Variants in CUX1 observed in about 807,000 individuals in gnomAD.
CUX1 encodes protein CASP.
CUX1 carries 31 observed loss-of-function variants against 158.8 expected under a neutral mutation model. That is an observed-to-expected ratio of 0.20 (90% CI 0.15 to 0.26). The LOEUF is 0.26. CUX1 is among the 10% of genes least tolerant of loss of function. CUX1 has a pLI of 1.00. For synonymous variants in CUX1, 879 were observed against 862.1 expected (o/e 1.02, Z -0.34); for missense variants, 1,589 against 2,014.6 (o/e 0.79, Z 4.04).
chr7:101,907,251 A>G (rs1802859697), intron 1 of CUX1, among the ~76,000 whole-genome samples: 1 of 152,236 alleles, frequency 6.6e-6, no homozygotes, highest in Middle Eastern at 3.2e-3. Context: ...ACGCAGGAGC[A>G]CTTTTCTGGA....
intron 15 of CUX1, 125 bp downstream of exon 15, chr7:102,197,430 C>A (rs1172301734): frequency 1.7e-6 from 2 of 1,187,056 alleles, no homozygotes; most frequent in South Asian, 1.4e-5. Flanking sequence ...AGGTAAAGTT[C>A]TCTTTGCTTC....
At chr7:102,216,799 CACACACCCCCACACACACTCTCCCA>C (rs782753194) in intron 20 of CUX1, among the ~76,000 whole-genome samples, 1 of 50,584 alleles carries the variant, frequency 2.0e-5, no homozygotes, top group African/African-American at 4.7e-5. Flanking sequence ...CACTCTCCCA[CACACACCCCCACACACACTCTCCCA>C]CCACACACAC....
chr7:101,910,670 T>C (rs1222610681), intron 1 of CUX1, among the ~76,000 whole-genome samples: 3 of 150,164 alleles, frequency 2.0e-5, no homozygotes, highest in African/African-American at 7.4e-5. Context: ...TCTTGAACCC[T>C]GGAGGTGAAG....
At chr7:101,826,617 G>C (rs1168300548) in intron 1 of CUX1, among the ~76,000 whole-genome samples, 1 of 152,206 alleles carries the variant, frequency 6.6e-6, no homozygotes, top group South Asian at 2.1e-4. Context: ...CTGGCAGGAC[G>C]AGGCTGGGAT....
chr7:102,140,445 C>G (rs1834320959), intron 8 of CUX1, among the ~76,000 whole-genome samples: 1 of 150,242 alleles, frequency 6.7e-6, no homozygotes, highest in Non-Finnish European at 1.5e-5. Flanking sequence ...GGGGTTTCAC[C>G]ATGTTTGCCA....
At chr7:102,108,811 G>A (rs1256969592) in intron 6 of CUX1, among the ~76,000 whole-genome samples, 1 of 150,914 alleles carries the variant, frequency 6.6e-6, no homozygotes, top group Non-Finnish European at 1.5e-5. Flanking sequence ...CTGCAGTGCA[G>A]TGACACGATC....
At chr7:101,928,480 C>G (rs1459528819) in intron 2 of CUX1, among the ~76,000 whole-genome samples, 5 of 150,132 alleles carry the variant, frequency 3.3e-5, no homozygotes, top group Admixed American at 2.0e-4. Flanking sequence ...AAGTGATTCT[C>G]CTGCCTCAAC....
At chr7:101,968,471 G>A (rs553574908) in intron 2 of CUX1, among the ~76,000 whole-genome samples, 32 of 152,260 alleles carry the variant, frequency 2.1e-4, no homozygotes, top group East Asian at 5.8e-4. Context: ...TGCCCAGGCT[G>A]GAGTGCAGTG....
At chr7:102,211,180 T>A (rs1408023745) in intron 20 of CUX1, among the ~76,000 whole-genome samples, 6 of 152,116 alleles carry the variant, frequency 3.9e-5, no homozygotes, top group African/African-American at 1.4e-4. Context: ...GCGCGGTGGC[T>A]CACACCTGTA....
intron 9 of CUX1, among the ~76,000 whole-genome samples, chr7:102,169,041 C>G (rs921128042): frequency 2.0e-5 from 3 of 150,586 alleles, no homozygotes; most frequent in African/African-American, 7.3e-5. Flanking sequence ...TCAAGCGATT[C>G]TTCTGCCTCA....
intron 2 of CUX1, among the ~76,000 whole-genome samples, chr7:102,024,805 C>T (rs528133519): frequency 6.6e-6 from 1 of 152,268 alleles, no homozygotes; most frequent in South Asian, 2.1e-4. Flanking sequence ...TATATGTTGT[C>T]CTCTACCTTT....
chr7:101,984,410 A>G (rs1389372904), intron 2 of CUX1, among the ~76,000 whole-genome samples: 2 of 150,710 alleles, frequency 1.3e-5, no homozygotes, highest in African/African-American at 4.9e-5. Context: ...AAACCTCGAT[A>G]TACAGCCTAG....
intron 8 of CUX1, among the ~76,000 whole-genome samples, chr7:102,120,276 C>G (rs1226769561): frequency 2.3e-4 from 35 of 152,228 alleles, no homozygotes; most frequent in Non-Finnish European, 4.4e-4. Context: ...CCCCAAGAAT[C>G]TGGATTGGAA....
Position 102,197,334 on chromosome 7 carries a change from C to T in CUX1, c.1894+29C>T, listed in dbSNP as rs557438496. 30 of 1,598,154 alleles carry T rather than the reference C, an allele frequency of 1.9e-5. No individual in the cohort carries two copies. In the East Asian group the frequency reaches 2.5e-4, roughly 13 times the overall value. On this transcript the variant is annotated intron_variant, in intron 15 of 23. Transcript: ENST00000292535. ...AGAGACTGGCGTTGGGTGGCGCCAGCGTGCGAGCCCGTCACAGAGTTGCAC... is the reference window on the plus strand; with the variant it reads ...AGAGACTGGCGTTGGGTGGCGCCAGTGTGCGAGCCCGTCACAGAGTTGCAC...
At chr7:102,003,309 C>CACAA (rs1816926483) in intron 2 of CUX1, among the ~76,000 whole-genome samples, 1 of 150,386 alleles carries the variant, frequency 6.6e-6, no homozygotes. Context: ...CACACACACA[C>CACAA]ACACACACAC....
At chr7:102,066,666 C>G (rs1036595686) in intron 3 of CUX1, among the ~76,000 whole-genome samples, 4 of 152,292 alleles carry the variant, frequency 2.6e-5, no homozygotes, top group African/African-American at 9.6e-5. Flanking sequence ...TCAAGCGGTA[C>G]GGACAGCAGC....
intron 1 of CUX1, among the ~76,000 whole-genome samples, chr7:101,853,609 G>T (rs1013285981): frequency 2.6e-5 from 4 of 151,978 alleles, no homozygotes; most frequent in African/African-American, 7.3e-5. Flanking sequence ...GTGTGTGTGT[G>T]TGTGTGTGTG....
intron 1 of CUX1, among the ~76,000 whole-genome samples, chr7:101,872,126 TTTTA>T (rs1406088108): frequency 6.6e-6 from 1 of 151,990 alleles, no homozygotes; most frequent in South Asian, 2.1e-4. Flanking sequence ...TAGAAGGATA[TTTTA>T]TTTATTTGTT....
chr7:102,127,765 G>A lies in CUX1; in HGVS notation c.674+12492G>A, dbSNP rs981864842. ...CATTGCCCTTTGGGGTTTAATCTGG[G>A]GAGCTTTGTCCCTGTTCTTTCTATG... On this transcript the variant is annotated intron_variant, in intron 8 of 23. Transcript: ENST00000292535. 2.0e-5 allele frequency among the ~76,000 whole-genome samples: 3 copies of A among 152,132 alleles called. No homozygotes were observed. The East Asian group carries it at 5.8e-4, about 29-fold the overall frequency.
Sources: allele counts gnomAD v4.1 joint callset (sites outside exome capture counted in the v4.1 genomes callset), GRCh38; gene constraint gnomAD v4.1.1; transcripts MANE v1.5; gene names NCBI Gene and HGNC (gene_info 2026-07-23, HGNC 2026-07-21).